Variants in B4GALNT3 observed in about 807,000 individuals in gnomAD.
The protein encoded by B4GALNT3 is beta-1,4-N-acetylgalactosaminyltransferase 3.
A neutral mutation model predicts 120.2 loss-of-function variants in B4GALNT3; 86 were observed. The ratio of observed to expected loss-of-function variants is 0.72; its 90% confidence interval spans 0.60 to 0.86. B4GALNT3 has a LOEUF of 0.86. B4GALNT3 is among the 40% of genes least tolerant of loss of function. The probability of loss-of-function intolerance (pLI) is 0.00; values close to 1 mark genes in which losing one functional copy is unlikely to be tolerated. For synonymous variants in B4GALNT3, 518 were observed against 510.4 expected (o/e 1.01, Z -0.20); for missense variants, 1,167 against 1,298.9 (o/e 0.90, Z 1.56).
chr12:545,591 A>G, intron 6 of B4GALNT3, 122 bp downstream of exon 6: 2 of 989,080 alleles, frequency 2.0e-6, no homozygotes, highest in Non-Finnish European at 1.5e-6. Context: ...GGGGTGGAAA[A>G]GAAGTCTCCT....
At chr12:503,100 A>G (rs1946460296) in intron 1 of B4GALNT3, among the ~76,000 whole-genome samples, 2 of 152,254 alleles carry the variant, frequency 1.3e-5, no homozygotes, top group South Asian at 4.2e-4. Flanking sequence ...GACAAGATGC[A>G]GTGACTCAAC....
In B4GALNT3 at chr12:536,367, C is replaced by T. The variant is rs1946860163; in HGVS notation, c.351+72C>T. 3 of 1,352,520 alleles carry T rather than the reference C, an allele frequency of 2.2e-6. No individual in the cohort carries two copies. In the East Asian group the frequency reaches 6.9e-5, roughly 31 times the overall value. The allele number at this position is 1,352,520 out of a possible 1,614,324, so 83.8% of individuals were successfully genotyped here. ...AATGTTTACAGATAATTCCAGAGAT[C>T]ACAGAAAACTTTCTACTAGGGACCT... On this transcript the variant is annotated intron_variant, in intron 3 of 19. Coordinates refer to ENST00000266383, the MANE Select transcript of B4GALNT3 (RefSeq NM_173593.4).
In B4GALNT3 at chr12:551,901, C is replaced by T. The variant is rs186674981; in HGVS notation, c.1108-162C>T. Among the ~76,000 whole-genome samples, 38 of 152,162 alleles carry T rather than the reference C, an allele frequency of 2.5e-4. 1 individual carries two copies. The highest frequency in any genetic ancestry group is 7.5e-4 in the African/African-American group (31 of 41,500). On this transcript the variant is annotated intron_variant, in intron 11 of 19. Transcript: ENST00000266383. ...GGGAATGAGAGCCCCATCTGCATCA[C>T]CACGTTTCATTCGGCGCTCAGAGCA...
intron 1 of B4GALNT3, among the ~76,000 whole-genome samples, chr12:475,313 T>C (rs1375342807): frequency 1.3e-5 from 2 of 152,218 alleles, no homozygotes; most frequent in Non-Finnish European, 2.9e-5. Flanking sequence ...GGTATGTTCT[T>C]GGAGTCTGAT....
intron 1 of B4GALNT3, among the ~76,000 whole-genome samples, chr12:488,422 T>C (rs1158091167): frequency 6.6e-6 from 1 of 152,148 alleles, no homozygotes; most frequent in African/African-American, 2.4e-5. Context: ...AACAGATAGG[T>C]TTATTCAAAA....
At chr12:541,808 C>G (rs12809716) in intron 3 of B4GALNT3, among the ~76,000 whole-genome samples, 1 of 149,976 alleles carries the variant, frequency 6.7e-6, no homozygotes, top group Admixed American at 6.6e-5. Flanking sequence ...GTGCCTCCCT[C>G]GGCCCTCCTC....
At chr12:473,091 C>A (rs1444225596) in intron 1 of B4GALNT3, among the ~76,000 whole-genome samples, 7 of 151,876 alleles carry the variant, frequency 4.6e-5, no homozygotes, top group Admixed American at 4.6e-4. Context: ...GCCTTGGCCT[C>A]CCTAGTAGCT....
chr12:467,651 G>A (rs181710890), intron 1 of B4GALNT3, among the ~76,000 whole-genome samples: 2 of 152,246 alleles, frequency 1.3e-5, no homozygotes, highest in East Asian at 1.9e-4. Context: ...TTAACCCTGC[G>A]AAAGCACTTT....
intron 3 of B4GALNT3, among the ~76,000 whole-genome samples, chr12:543,366 A>G (rs202073444): frequency 0.016 from 1,248 of 76,224 alleles, no homozygotes; most frequent in Non-Finnish European, 0.019. Flanking sequence ...GAGCTGGGGC[A>G]GGCATGGGGT....
Position 561,457 on chromosome 12 carries a change from G to T in B4GALNT3, c.*6G>T. 1 of 1,602,356 alleles carries T rather than the reference G, an allele frequency of 6.2e-7. No individual in the cohort carries two copies. The highest frequency in any genetic ancestry group is 1.1e-5 in the South Asian group (1 of 90,504). On this transcript the variant is annotated 3_prime_UTR_variant, in exon 20 of 20. Coordinates refer to ENST00000266383, the MANE Select transcript of B4GALNT3 (RefSeq NM_173593.4). ...GCCAGATGAAGACGCTGTAGCCGGA[G>T]GGTGTCCGCGGGGCCCAGCACTCCC...
At chr12:532,678 G>A (rs1033604626) in intron 1 of B4GALNT3, among the ~76,000 whole-genome samples, 3 of 152,190 alleles carry the variant, frequency 2.0e-5, no homozygotes, top group African/African-American at 7.2e-5. Context: ...AACTGACCTA[G>A]AAGAATTCTT....
intron 1 of B4GALNT3, among the ~76,000 whole-genome samples, chr12:511,405 T>G (rs1411515789): frequency 9.2e-6 from 1 of 109,032 alleles, no homozygotes; most frequent in Non-Finnish European, 1.9e-5. Flanking sequence ...GTCTTCCACC[T>G]TCCTTCCACC....
intron 1 of B4GALNT3, among the ~76,000 whole-genome samples, chr12:511,887 T>A (rs1946574268): frequency 1.1e-5 from 1 of 94,964 alleles, no homozygotes; most frequent in African/African-American, 4.3e-5. Context: ...TCCACCTTCT[T>A]CCACCTTCCA....
intron 1 of B4GALNT3, among the ~76,000 whole-genome samples, chr12:482,719 G>A (rs1324167205): frequency 6.6e-6 from 1 of 152,154 alleles, no homozygotes; most frequent in Non-Finnish European, 1.5e-5. Flanking sequence ...TATGCAGCCA[G>A]GCACCGTGGC....
At position 460,567 on chromosome 12, in the gene B4GALNT3, C is replaced by A; in HGVS notation, c.169+22C>A. ...CGGAGTAAGTAGCACCCAGGGGAGG[C>A]GAAGGGCGCGGGGGTGGGCGGCGGC... On this transcript the variant is annotated intron_variant, in intron 1 of 19. Coordinates refer to ENST00000266383, the MANE Select transcript of B4GALNT3 (RefSeq NM_173593.4). This position sits in a 1 kb window ranked among gnomAD's most constrained non-coding sequence, Gnocchi z 8.0. The A allele has an allele frequency of 7.2e-7, 1 of 1,397,330 alleles. No individual in the cohort carries two copies. The highest frequency in any genetic ancestry group is 2.6e-5 in the Admixed American group (1 of 37,988). The allele number at this position is 1,397,330 out of a possible 1,614,324, so 86.6% of individuals were successfully genotyped here.
At chr12:536,552 C>G (rs67780805) in intron 3 of B4GALNT3, among the ~76,000 whole-genome samples, 1 of 152,000 alleles carries the variant, frequency 6.6e-6, no homozygotes. Context: ...CTCACTATGT[C>G]GGCCAGGCTA....
intron 1 of B4GALNT3, among the ~76,000 whole-genome samples, chr12:495,959 T>A (rs910013275): frequency 6.6e-6 from 1 of 152,220 alleles, no homozygotes; most frequent in African/African-American, 2.4e-5. Context: ...TGTTTATATG[T>A]GCACATCTAT....
rs376094504 is a variant in B4GALNT3, at chr12:561,413, C to T, written c.2959C>T (p.Arg987Ter). The change falls in exon 20 of 20, where the codon CGA becomes TGA. Residue 987 changes from arginine (R) to a stop codon, truncating the protein, a stop_gained. Transcript: ENST00000266383. LOFTEE classifies it high-confidence loss of function. ...TTTCTTCCATCATTTCCATTCCAAG[C>T]GAGGCATGTGGAGCCGTCGCCAGAT... ...RNFFHHFHSKRGMWSRRQMKT... is the reference protein window; with the variant it reads ...RNFFHHFHSK 3.7e-6 allele frequency: 6 copies of T among 1,613,712 alleles called. No homozygotes were observed. The highest frequency in any genetic ancestry group is 2.2e-5 in the South Asian group (2 of 91,086).
Position 553,525 on chromosome 12 carries a change from T to A in B4GALNT3, c.1602T>A (p.Pro534=). 6.2e-7 allele frequency: 1 copy of A among 1,614,024 alleles called. No individual in the cohort carries two copies. Among genetic ancestry groups the A allele is most frequent in the Non-Finnish European group, 8.5e-7 (1 of 1,179,974 alleles). The change falls in exon 14 of 20, where the codon CCT becomes CCA. Residue 534 remains proline, a synonymous_variant. Coordinates refer to ENST00000266383, the MANE Select transcript of B4GALNT3 (RefSeq NM_173593.4). ...CACCTCATTCCGACAAGTGGCCTCC[T>A]GGGCACCCTGTGAAGAACCTGCCTC... is the stretch of plus-strand genomic sequence containing the variant. ...QDSPHSDKWP[P]GHPVKNLPQM...
Sources: gnomAD v4.1 joint callset for allele counts (sites outside exome capture counted in the v4.1 genomes callset) on GRCh38, gnomAD v4.1.1 for gene constraint, Gnocchi (gnomAD v3.1) non-coding constraint, MANE v1.5 for transcripts, NCBI Gene and HGNC (gene_info 2026-07-23, HGNC 2026-07-21) for gene names.